The following PIGL variants were observed in gnomAD, a reference collection of about 807,000 sequenced individuals.
The protein encoded by PIGL is phosphatidylinositol glycan anchor biosynthesis class L.
Under a neutral mutation model 31.1 loss-of-function variants are expected in PIGL, and 22 were observed. The ratio of observed to expected loss-of-function variants is 0.71; its 90% confidence interval spans 0.51 to 1.01. The LOEUF (loss-of-function observed/expected upper bound fraction) is 1.01, where lower values mean the gene tolerates loss of function less well. Ranked by LOEUF, PIGL falls within the 50% of genes least tolerant of loss-of-function variation. The pLI is 0.00. For missense variants in PIGL, 302 were observed against 315.9 expected (o/e 0.96, Z 0.33); for synonymous variants, 131 against 117.4 (o/e 1.12, Z -0.75).
Position 16,217,423 on chromosome 17 carries a change from G to A in PIGL, c.197G>A (p.Arg66His), listed in dbSNP as rs2092588728. Residue 66 changes from arginine to histidine, a missense_variant, in exon 1 of 7, where the codon CGC becomes CAC. Coordinates refer to ENST00000225609, the MANE Select transcript of PIGL (RefSeq NM_004278.4). Reference protein sequence around the residue: ...FFAPTVLGLARLRHWVYLLCF... With the variant: ...FFAPTVLGLAHLRHWVYLLCF... ...GCTCCCACAGTGCTAGGCTTGGCCC[G>A]CCTAAGGCACTGGGTGTACCTGCTT... The A allele has an allele frequency of 1.2e-6, 2 of 1,614,148 alleles. No homozygotes were observed. Among genetic ancestry groups the A allele is most frequent in the Non-Finnish European group, 1.7e-6 (2 of 1,179,988 alleles).
At chr17:16,316,249 C>G (rs545133205) in intron 4 of PIGL, among the ~76,000 whole-genome samples, 87 of 152,248 alleles carry the variant, frequency 5.7e-4, no homozygotes, top group Admixed American at 1.6e-3. Flanking sequence ...ACAGAATGAC[C>G]TGCACTGTCA....
chr17:16,233,639 G>C (rs879809461), intron 1 of PIGL, among the ~76,000 whole-genome samples: 2 of 152,234 alleles, frequency 1.3e-5, no homozygotes, highest in Admixed American at 1.3e-4. Context: ...GGTCGTACAT[G>C]GTGTGATCCT....
intron 3 of PIGL, chr17:16,312,927 A>AGGGGG (rs1568842468): frequency 8.6e-6 from 1 of 116,594 alleles, no homozygotes; most frequent in African/African-American, 5.0e-5. Context: ...GGGGAGGGGG[A>AGGGGG]AGGGGGGGGG....
chr17:16,310,673 A>C (rs1361171332), intron 3 of PIGL, among the ~76,000 whole-genome samples: 1 of 152,086 alleles, frequency 6.6e-6, no homozygotes, highest in Non-Finnish European at 1.5e-5. Context: ...AGTAGCTGGG[A>C]TTACAGGTGC....
At chr17:16,227,620 G>A (rs1188854033) in intron 1 of PIGL, among the ~76,000 whole-genome samples, 1 of 70,226 alleles carries the variant, frequency 1.4e-5, no homozygotes, top group East Asian at 3.8e-4. Context: ...CACTCTTGTT[G>A]CCCAGGCTGG....
intron 2 of PIGL, among the ~76,000 whole-genome samples, chr17:16,289,649 A>T: frequency 6.6e-6 from 1 of 152,220 alleles, no homozygotes; most frequent in Non-Finnish European, 1.5e-5. Context: ...TTCCCTGTAG[A>T]GCTGCAAAGG....
intron 2 of PIGL, among the ~76,000 whole-genome samples, chr17:16,282,980 C>T (rs1226431181): frequency 6.6e-6 from 1 of 151,176 alleles, no homozygotes; most frequent in Non-Finnish European, 1.5e-5. Flanking sequence ...GGCAACATGG[C>T]GAGACCCCAT....
intron 3 of PIGL, among the ~76,000 whole-genome samples, chr17:16,304,278 A>C (rs2090507591): frequency 6.6e-6 from 1 of 152,232 alleles, no homozygotes; most frequent in African/African-American, 2.4e-5. Context: ...AGTCTAAGCC[A>C]TGGGGAGAGA....
At chr17:16,248,659 T>C (rs918957176) in intron 2 of PIGL, among the ~76,000 whole-genome samples, 13 of 152,146 alleles carry the variant, frequency 8.5e-5, no homozygotes, top group Admixed American at 3.9e-4. Flanking sequence ...CTACCAACCA[T>C]TCCTTCCTGG....
intron 2 of PIGL, among the ~76,000 whole-genome samples, chr17:16,275,805 C>T (rs2092892578): frequency 1.3e-5 from 2 of 152,144 alleles, no homozygotes; most frequent in South Asian, 2.1e-4. Flanking sequence ...AGGCAGATCA[C>T]TTGACATCAG....
intron 6 of PIGL, among the ~76,000 whole-genome samples, chr17:16,321,160 A>T (rs918594295): frequency 1.4e-5 from 2 of 147,200 alleles, no homozygotes; most frequent in African/African-American, 5.1e-5. Context: ...TTGGTCTTGA[A>T]CTCCTGACCT....
chr17:16,268,311 G>T (rs1266878533), intron 2 of PIGL, among the ~76,000 whole-genome samples: 1 of 152,204 alleles, frequency 6.6e-6, no homozygotes, highest in Non-Finnish European at 1.5e-5. Flanking sequence ...GTGCAAGACA[G>T]TGGTGTAAAG....
At chr17:16,238,437 C>CT (rs1168033433) in intron 2 of PIGL, among the ~76,000 whole-genome samples, 8,728 of 127,710 alleles carry the variant, frequency 0.068, 410 homozygotes, top group Middle Eastern at 0.079. Flanking sequence ...TTCTTTTTTT[C>CT]TTTTTTTTTT....
At chr17:16,305,120 T>A (rs1162919133) in intron 3 of PIGL, among the ~76,000 whole-genome samples, 2 of 151,966 alleles carry the variant, frequency 1.3e-5, no homozygotes, top group Non-Finnish European at 1.5e-5. Context: ...TACAAAAAAA[T>A]TTAAAAATTA....
intron 3 of PIGL, among the ~76,000 whole-genome samples, chr17:16,304,797 G>A (rs1366182847): frequency 6.6e-6 from 1 of 152,032 alleles, no homozygotes; most frequent in Non-Finnish European, 1.5e-5. Context: ...TGGTGAACTG[G>A]GAATACAACA....
At chr17:16,291,278 G>A (rs1161215696) in intron 2 of PIGL, among the ~76,000 whole-genome samples, 1 of 151,834 alleles carries the variant, frequency 6.6e-6, no homozygotes, top group African/African-American at 2.4e-5. Context: ...AGGCTGAGGC[G>A]GGCGGATCAC....
intron 1 of PIGL, among the ~76,000 whole-genome samples, chr17:16,228,564 A>G (rs1205398261): frequency 6.7e-6 from 1 of 149,272 alleles, no homozygotes; most frequent in Non-Finnish European, 1.5e-5. Context: ...AATTTTTTGT[A>G]TTTTTAGTAG....
intron 1 of PIGL, among the ~76,000 whole-genome samples, chr17:16,232,768 T>TA (rs34414046): frequency 0.058 from 8,381 of 144,250 alleles, 308 homozygotes; most frequent in African/African-American, 0.12. Flanking sequence ...GTTTATGACT[T>TA]AAAAAAAAAA....
rs1474903699 is a variant in PIGL, at chr17:16,217,309, T to TGAA, written c.86_88dup (p.Lys29dup). ...TGGGTTTGGGACTCCTCAGAACGAA[T>TGAA]GAAGAGTCGGGAGCAGGGAGGACGG... On this transcript the variant is annotated inframe_insertion, in exon 1 of 7. Coordinates refer to ENST00000225609, the MANE Select transcript of PIGL (RefSeq NM_004278.4). The TGAA allele has an allele frequency of 6.2e-7, 1 of 1,614,010 alleles. No individual in the cohort carries two copies. Among genetic ancestry groups the TGAA allele is most frequent in the Non-Finnish European group, 8.5e-7 (1 of 1,180,032 alleles).
Sources: gnomAD v4.1 joint callset for allele counts (sites outside exome capture counted in the v4.1 genomes callset) on GRCh38, gnomAD v4.1.1 for gene constraint, MANE v1.5 for transcripts, NCBI Gene and HGNC (gene_info 2026-07-23, HGNC 2026-07-21) for gene names.